ADK: variants seen among roughly 807,000 people sequenced by gnomAD.
The protein encoded by ADK is N6,N6-dimethyladenosine kinase.
A neutral mutation model predicts 44.7 loss-of-function variants in ADK; 24 were observed. The ratio of observed to expected loss-of-function variants is 0.54; its 90% CI spans 0.39 to 0.76. The LOEUF (loss-of-function observed/expected upper bound fraction) is 0.76, where lower values mean the gene tolerates loss of function less well. ADK is among the 30% of genes least tolerant of loss of function. The probability of loss-of-function intolerance (pLI) is 0.00; values close to 1 mark genes in which losing one functional copy is unlikely to be tolerated. For synonymous variants in ADK, 128 were observed against 142.6 expected (o/e 0.90, Z 0.73); for missense variants, 321 against 425.1 (o/e 0.76, Z 2.15).
At chr10:74,475,329 T>C (rs1846788062) in intron 6 of ADK, among the ~76,000 whole-genome samples, 1 of 152,180 alleles carries the variant, frequency 6.6e-6, no homozygotes, top group Non-Finnish European at 1.5e-5. Context: ...CTGTCATCTT[T>C]TTATTACTTT....
intron 2 of ADK, among the ~76,000 whole-genome samples, chr10:74,223,482 A>G (rs1844404292): frequency 6.6e-6 from 1 of 152,230 alleles, no homozygotes; most frequent in African/African-American, 2.4e-5. Flanking sequence ...AGAGGAGACC[A>G]GAGAGGAAAA....
At chr10:74,198,844 ATTTG>A (rs1042076051) in intron 1 of ADK, among the ~76,000 whole-genome samples, 35 of 152,086 alleles carry the variant, frequency 2.3e-4, no homozygotes, top group Non-Finnish European at 4.3e-4. Context: ...TTTCTTGTTG[ATTTG>A]TTTGTTTTTG....
At chr10:74,642,912 T>TCA (rs1229102157) in intron 9 of ADK, among the ~76,000 whole-genome samples, 2 of 145,048 alleles carry the variant, frequency 1.4e-5, no homozygotes, top group South Asian at 2.3e-4. Flanking sequence ...TGATCATAGC[T>TCA]CACTGTAGCC....
At chr10:74,270,398 C>G (rs1315795088) in intron 3 of ADK, among the ~76,000 whole-genome samples, 1 of 152,116 alleles carries the variant, frequency 6.6e-6, no homozygotes, top group Non-Finnish European at 1.5e-5. Flanking sequence ...TTTTGCAAAT[C>G]TCTTTAATGT....
chr10:74,480,560 T>C (rs939230733), intron 6 of ADK, among the ~76,000 whole-genome samples: 3 of 152,148 alleles, frequency 2.0e-5, no homozygotes, highest in African/African-American at 7.2e-5. Context: ...ATTATAGGCA[T>C]GAGCCACCAC....
At chr10:74,611,176 ACCC>A (rs1564818487) in intron 9 of ADK, among the ~76,000 whole-genome samples, 3 of 152,038 alleles carry the variant, frequency 2.0e-5, no homozygotes, top group African/African-American at 7.2e-5. Flanking sequence ...GGTGCCTACC[ACCC>A]TGCCCAGCTA....
At chr10:74,539,322 CT>C (rs1052268766) in intron 7 of ADK, among the ~76,000 whole-genome samples, 14 of 152,288 alleles carry the variant, frequency 9.2e-5, no homozygotes, top group African/African-American at 3.4e-4. Flanking sequence ...GCGACCAAGC[CT>C]GGCCAAGTCT....
At chr10:74,467,290 C>G (rs1329861758) in intron 6 of ADK, among the ~76,000 whole-genome samples, 1 of 152,094 alleles carries the variant, frequency 6.6e-6, no homozygotes, top group African/African-American at 2.4e-5. Context: ...AAGCCTATAT[C>G]TAAGAAACTG....
intron 4 of ADK, among the ~76,000 whole-genome samples, chr10:74,361,118 C>T (rs894213076): frequency 4.6e-5 from 7 of 152,152 alleles, no homozygotes; most frequent in Non-Finnish European, 8.8e-5. Flanking sequence ...GTTGGCCAGG[C>T]TGGTCTCAAA....
chr10:74,354,273 T>A (rs184633461), intron 4 of ADK, among the ~76,000 whole-genome samples: 50 of 152,308 alleles, frequency 3.3e-4, no homozygotes, highest in African/African-American at 1.1e-3. Flanking sequence ...GCTGCCCTGA[T>A]AAGAATCACC....
chr10:74,557,673 C>T (rs1164136705), intron 7 of ADK, among the ~76,000 whole-genome samples: 2 of 152,136 alleles, frequency 1.3e-5, no homozygotes, highest in Admixed American at 1.3e-4. Context: ...GGAAGATGGG[C>T]AGCTCATGCT....
intron 6 of ADK, among the ~76,000 whole-genome samples, chr10:74,407,640 C>G (rs1216354661): frequency 6.6e-6 from 1 of 152,188 alleles, no homozygotes; most frequent in Non-Finnish European, 1.5e-5. Flanking sequence ...CCAAGCAGCT[C>G]TGTCCTCTCC....
rs1855885493 is a variant in ADK at position 74,688,921 on chromosome 10, G to GCA, written c.964+18652_964+18653insCA. ...TGTATGTGACTAATCCAGAAACAGA[G>GCA]AGACTGATCATACTACCTTTAGTAT... is the stretch of plus-strand genomic sequence containing the variant. On this transcript the variant is annotated intron_variant, in intron 10 of 10. Transcript: ENST00000539909. Among the ~76,000 whole-genome samples the GCA allele has an allele frequency of 6.1e-5, 9 of 146,722 alleles. No homozygotes were observed. The East Asian group carries it at 1.1e-3, about 17-fold the overall frequency.
At chr10:74,347,106 C>CAAAAAAAAAAAAAAAAAA (rs58074760) in intron 4 of ADK, among the ~76,000 whole-genome samples, 4 of 92,300 alleles carry the variant, frequency 4.3e-5, no homozygotes, top group African/African-American at 2.7e-4. Context: ...CACTCTGTCT[C>CAAAAAAAAAAAAAAAAAA]AAAAAAAAAA....
chr10:74,337,865 T>G (rs1429692475), intron 4 of ADK, among the ~76,000 whole-genome samples: 1 of 150,904 alleles, frequency 6.6e-6, no homozygotes, highest in Non-Finnish European at 1.5e-5. Flanking sequence ...CGGGTTCAAG[T>G]GATTGTCATG....
At chr10:74,177,015 G>C in intron 1 of ADK, 3 of 1,319,266 alleles carry the variant, frequency 2.3e-6, no homozygotes, top group Non-Finnish European at 3.2e-6. Context: ...CGTGTTGGGG[G>C]TTCCCTCCGC....
At chr10:74,157,425 A>G (rs879340645) in intron 1 of ADK, among the ~76,000 whole-genome samples, 5 of 152,210 alleles carry the variant, frequency 3.3e-5, no homozygotes, top group Admixed American at 1.3e-4. Flanking sequence ...TGAATCAAAA[A>G]TAGGTAGATA....
intron 9 of ADK, among the ~76,000 whole-genome samples, chr10:74,642,834 T>C (rs1853918740): frequency 6.8e-6 from 1 of 146,072 alleles, no homozygotes; most frequent in Non-Finnish European, 1.5e-5. Context: ...GTTCTTTTTT[T>C]TTTTTTTTTT....
chr10:74,700,604 C>T (rs1417687544), intron 10 of ADK, among the ~76,000 whole-genome samples: 2 of 151,442 alleles, frequency 1.3e-5, no homozygotes, highest in African/African-American at 4.9e-5. Context: ...TAGTGTATTA[C>T]CTCCTTTTGT....
Sources: allele counts gnomAD v4.1 joint callset (sites outside exome capture counted in the v4.1 genomes callset), GRCh38; gene constraint gnomAD v4.1.1; transcripts MANE v1.5; gene names NCBI Gene and HGNC (gene_info 2026-07-23, HGNC 2026-07-21).